The following RUNX3 variants were observed in gnomAD, a reference collection of about 807,000 sequenced individuals.
RUNX3 encodes RUNX family transcription factor 3, also known as runt-related transcription factor 3.
In RUNX3, 10 loss-of-function variants were observed where a neutral mutation model predicts 27.7. The observed-to-expected ratio is 0.36, with a 90% confidence interval of 0.22 to 0.61. RUNX3 has a LOEUF of 0.61. Ranked by LOEUF, RUNX3 falls within the 20% of genes least tolerant of loss-of-function variation. The pLI is 0.72. For synonymous variants in RUNX3, 270 were observed against 269.2 expected (o/e 1.00, Z -0.03); for missense variants, 469 against 629.5 (o/e 0.75, Z 2.73).
chr1:24,945,298 A>G (rs1459310332), intron 2 of RUNX3, among the ~76,000 whole-genome samples: 5 of 152,254 alleles, frequency 3.3e-5, no homozygotes, highest in African/African-American at 1.2e-4. Flanking sequence ...TCCCCAACAC[A>G]TAAAACCATT....
intron 3 of RUNX3, among the ~76,000 whole-genome samples, chr1:24,910,640 C>G (rs911306803): frequency 1.3e-5 from 2 of 152,192 alleles, no homozygotes; most frequent in South Asian, 4.1e-4. Context: ...AAACAGGTAT[C>G]TGGGAGCCTC....
intron 1 of RUNX3, among the ~76,000 whole-genome samples, chr1:24,928,060 T>C (rs1641133896): frequency 6.6e-6 from 1 of 152,242 alleles, no homozygotes; most frequent in Admixed American, 6.5e-5. Context: ...GCAGTTCCCC[T>C]GTTGTCTTCG....
chr1:24,907,404 C>G lies in RUNX3; in HGVS notation c.558G>C (p.Lys186Asn). Reference protein sequence around the residue: ...GPREPRRHRQKLEDQTKPFPD... With the variant: ...GPREPRRHRQNLEDQTKPFPD... ...GGAACGGCTTGGTCTGGTCCTCCAG[C>G]TTCTGCCGGTGCCCTGCAGAGCACA... is the stretch of plus-strand genomic sequence containing the variant. Residue 186 changes from lysine (K) to asparagine (N), a missense_variant, in exon 4 of 5, where the codon AAG becomes AAC. Physicochemically the swap from Lys to Asn is moderately conservative, Grantham distance 94. Coordinates refer to ENST00000308873, the MANE Select transcript of RUNX3 (RefSeq NM_004350.3). 1 of 1,613,310 alleles carries G rather than the reference C, an allele frequency of 6.2e-7. No homozygotes were observed. The highest frequency in any genetic ancestry group is 8.5e-7 in the Non-Finnish European group (1 of 1,179,724).
At chr1:24,925,149 A>C (rs1332529237) in intron 2 of RUNX3, among the ~76,000 whole-genome samples, 2 of 152,226 alleles carry the variant, frequency 1.3e-5, no homozygotes, top group Non-Finnish European at 2.9e-5. Flanking sequence ...AAAGTGGCCC[A>C]GATTGTCACT....
chr1:24,902,172 C>T lies in RUNX3; in HGVS notation c.1198G>A (p.Ala400Thr). 1 of 1,571,688 alleles carries T rather than the reference C, an allele frequency of 6.4e-7. No individual in the cohort carries two copies. Among genetic ancestry groups the T allele is most frequent in the Non-Finnish European group, 8.6e-7 (1 of 1,160,310 alleles). The change falls in exon 5 of 5, where the codon GCC becomes ACC. Residue 400 changes from alanine to threonine, a missense_variant. By Grantham distance (58) the Ala-to-Thr change is moderately conservative. Transcript: ENST00000308873. The surrounding 1 kb of genome is among the most constrained non-coding windows in gnomAD (Gnocchi z 9.2). ...TCCATGCGGCCTGGCGTGCTCAGGG[C>T]CGTGGGTGAGTTGCTGTGGCTGCCG... ...ADGSHSNSPT[A>T]LSTPGRMDEA...
rs775262487 is a variant in RUNX3 at position 24,902,389 on chromosome 1, C to T, written c.981G>A (p.Pro327=). The T allele has an allele frequency of 6.2e-5, 100 of 1,612,508 alleles. No individual in the cohort carries two copies. The highest frequency in any genetic ancestry group is 6.7e-5 in the African/African-American group (5 of 74,916). ...TCCCGTAGTAGAGGTGGTAGGGGGA[C>T]GGGTTGGCCTGGAAGGGCCCGCTCT... ...QNQSGPFQAN[P]SPYHLYYGTS... is the part of the protein sequence containing the mutation. Residue 327 remains proline (P), a synonymous_variant, in exon 5 of 5, where the codon CCG becomes CCA. Coordinates refer to ENST00000308873, the MANE Select transcript of RUNX3 (RefSeq NM_004350.3). This position sits in a 1 kb window ranked among gnomAD's most constrained non-coding sequence, Gnocchi z 9.2.
At chr1:24,911,989 G>A (rs112808397) in intron 3 of RUNX3, among the ~76,000 whole-genome samples, 1 of 152,222 alleles carries the variant, frequency 6.6e-6, no homozygotes, top group African/African-American at 2.4e-5. Flanking sequence ...AGGGGAGAGG[G>A]GAGCCAAGGC....
At position 24,929,841 on chromosome 1, in the gene RUNX3, T is replaced by C. The variant is rs1641181408; in HGVS notation, c.28A>G (p.Ser10Gly). Residue 10 changes from serine (S) to glycine (G), a missense_variant, in exon 1 of 5, where the codon AGC becomes GGC. Coordinates refer to ENST00000308873, the MANE Select transcript of RUNX3 (RefSeq NM_004350.3). MRIPVDPST[S>G]RRFTPPSPAF... is the part of the protein sequence containing the mutation. Reference sequence around the variant, plus strand: ...GGGGAGGGAGGTGTGAAGCGGCGGCTGGTGCTTGGGTCTACGGGAATACGC... The same window carrying C: ...GGGGAGGGAGGTGTGAAGCGGCGGCCGGTGCTTGGGTCTACGGGAATACGC... The C allele has an allele frequency of 1.4e-6, 2 of 1,395,780 alleles. No homozygotes were observed. Among genetic ancestry groups the C allele is most frequent in the South Asian group, 1.6e-5 (1 of 62,602 alleles). The allele number at this position is 1,395,780 out of a possible 1,614,324, so 86.5% of individuals were successfully genotyped here.
chr1:24,934,787 A>C (rs1571332007), upstream of RUNX3, among the ~76,000 whole-genome samples: 1 of 152,126 alleles, frequency 6.6e-6, no homozygotes, highest in African/African-American at 2.4e-5. Flanking sequence ...CTAGTGGCTG[A>C]GTAATGGGAA....
Position 24,902,806 on chromosome 1 carries a change from T to C in RUNX3, c.704-140A>G. The C allele has an allele frequency of 4.5e-6, 3 of 669,722 alleles. No individual in the cohort carries two copies. Among genetic ancestry groups the C allele is most frequent in the Non-Finnish European group, 6.7e-6 (3 of 445,188 alleles). 41.5% of individuals were successfully genotyped at this position (669,722 alleles called of 1,614,324 possible). On this transcript the variant is annotated intron_variant, in intron 4 of 4. Transcript: ENST00000308873. The surrounding 1 kb of genome is among the most constrained non-coding windows in gnomAD (Gnocchi z 9.2). Reference sequence around the variant, plus strand: ...AGACCTGGCTCTCCTCTTCCTGCCCTAGGCTGCCCGGGGCCTCCCCCGCCA... The same window carrying C: ...AGACCTGGCTCTCCTCTTCCTGCCCCAGGCTGCCCGGGGCCTCCCCCGCCA...
chr1:24,908,734 C>T lies in RUNX3; in HGVS notation c.545-1317G>A, dbSNP rs139891867. Among the ~76,000 whole-genome samples the T allele has an allele frequency of 3.4e-3, 517 of 152,298 alleles. 3 individuals are homozygous for T. The highest frequency in any genetic ancestry group is 5.0e-3 in the Non-Finnish European group (341 of 68,016). On this transcript the variant is annotated intron_variant, in intron 3 of 4. Coordinates refer to ENST00000308873, the MANE Select transcript of RUNX3 (RefSeq NM_004350.3). ...GCCCCCAAGGGAGGCAGGGAGATAA[C>T]CCAGGAGCACTGCCACCCTCTGCCT...
At chr1:24,935,884 C>G (rs907763024) in intron 2 of RUNX3, among the ~76,000 whole-genome samples, 3 of 152,156 alleles carry the variant, frequency 2.0e-5, no homozygotes, top group Non-Finnish European at 2.9e-5. Context: ...AAGTAAAGAG[C>G]TTTTCCTCTG....
intron 2 of RUNX3, among the ~76,000 whole-genome samples, chr1:24,941,285 G>A (rs1054912576): frequency 8.5e-5 from 13 of 152,134 alleles, no homozygotes; most frequent in Admixed American, 3.9e-4. Context: ...CCACTTTACA[G>A]GCAAGGAAGT....
In RUNX3 at chr1:24,930,247, C is replaced by A. The variant is rs1008151067; in HGVS notation, c.-379G>T. On this transcript the variant is annotated 5_prime_UTR_variant, in exon 1 of 5. Transcript: ENST00000308873. The surrounding 1 kb of genome is among the most constrained non-coding windows in gnomAD (Gnocchi z 4.1). ...GCCGCCCCGACTCCGCGGCCGCAGC[C>A]CCAGAACAAATCCTCCAGAATCAAG... The A allele has an allele frequency of 1.8e-4, 179 of 983,516 alleles. No homozygotes were observed. In the African/African-American group the frequency reaches 2.9e-3, roughly 16 times the overall value. 60.9% of individuals were successfully genotyped at this position (983,516 alleles called of 1,614,324 possible). A position where few individuals can be genotyped will look rare whatever the true frequency, so the allele number is the denominator to read the frequency against.
intron 2 of RUNX3, among the ~76,000 whole-genome samples, chr1:24,957,107 C>T (rs1641953925): frequency 6.6e-6 from 1 of 152,208 alleles, no homozygotes; most frequent in South Asian, 2.1e-4. Flanking sequence ...ATGCGTCTGC[C>T]CTTTCCGCCC....
intron 1 of RUNX3, chr1:24,929,218 C>A (rs1296290644): frequency 9.7e-6 from 5 of 515,482 alleles, no homozygotes; most frequent in Non-Finnish European, 1.5e-5. Context: ...TCGCACCCCA[C>A]CCGCGGTGTC....
At chr1:24,945,858 A>G (rs772590024) in intron 2 of RUNX3, among the ~76,000 whole-genome samples, 1 of 152,100 alleles carries the variant, frequency 6.6e-6, no homozygotes, top group African/African-American at 2.4e-5. Context: ...TCCCAGGAGG[A>G]CTTGGCCCCC....
At chr1:24,934,373 T>G (rs1401122962), upstream of RUNX3, among the ~76,000 whole-genome samples, 6 of 151,996 alleles carry the variant, frequency 3.9e-5, no homozygotes, top group Non-Finnish European at 8.8e-5. Flanking sequence ...ACAGAGATCT[T>G]TCTTCCTTTT....
Position 24,930,063 on chromosome 1 carries a change from C to T in RUNX3, c.-195G>A. On this transcript the variant is annotated 5_prime_UTR_variant, in exon 1 of 5. Coordinates refer to ENST00000308873, the MANE Select transcript of RUNX3 (RefSeq NM_004350.3). This position sits in a 1 kb window ranked among gnomAD's most constrained non-coding sequence, Gnocchi z 4.1. ...CCCGCCCGCTGCGAGGCCTCGCTGG[C>T]CCGACGGCCGCCCGCAGCCTGCCCG... 3.1e-5 allele frequency: 30 copies of T among 980,532 alleles called. No homozygotes were observed. The highest frequency in any genetic ancestry group is 4.7e-5 in the South Asian group (1 of 21,282). 60.7% of individuals were successfully genotyped at this position (980,532 alleles called of 1,614,324 possible).
Sources: allele counts gnomAD v4.1 joint callset (sites outside exome capture counted in the v4.1 genomes callset), GRCh38; gene constraint gnomAD v4.1.1; non-coding constraint Gnocchi (gnomAD v3.1); transcripts MANE v1.5; gene names NCBI Gene and HGNC (gene_info 2026-07-23, HGNC 2026-07-21).